Variants in GRID2 observed in about 807,000 individuals in gnomAD.
GRID2 encodes the protein glutamate ionotropic receptor delta type subunit 2.
In GRID2, 33 loss-of-function variants were observed where a neutral mutation model predicts 114.8. The ratio of observed to expected loss-of-function variants is 0.29; its 90% CI spans 0.22 to 0.38. The LOEUF (loss-of-function observed/expected upper bound fraction) is 0.38. Among genes scored for constraint, GRID2 ranks in the 10% least tolerant of loss-of-function variants. The probability of loss-of-function intolerance (pLI) is 1.00; values close to 1 mark genes in which losing one functional copy is unlikely to be tolerated. For synonymous variants in GRID2, 505 were observed against 449.9 expected, an observed-to-expected ratio of 1.12 and a Z score of -1.55; for missense variants, 1,184 against 1,257.7, an observed-to-expected ratio of 0.94 and a Z score of 0.89.
chr4:93,450,192 C>G (rs1038903228), intron 10 of GRID2, among the ~76,000 whole-genome samples: 1 of 151,722 alleles, frequency 6.6e-6, no homozygotes, highest in Non-Finnish European at 1.5e-5. Flanking sequence ...AAAATCATAT[C>G]TTTGGAAAAA....
chr4:92,569,631 A>G (rs995885746), intron 1 of GRID2, among the ~76,000 whole-genome samples: 1 of 152,058 alleles, frequency 6.6e-6, no homozygotes, highest in South Asian at 2.1e-4. Context: ...CCTTGCCAGC[A>G]TCTGTTGTTT....
chr4:92,766,655 A>T, intron 2 of GRID2, among the ~76,000 whole-genome samples: 1 of 152,320 alleles, frequency 6.6e-6, no homozygotes, highest in Middle Eastern at 3.4e-3. Context: ...GGTCATATAC[A>T]TAAAAGAATA....
chr4:92,390,001 G>T (rs1442783809), intron 1 of GRID2, among the ~76,000 whole-genome samples: 1 of 152,042 alleles, frequency 6.6e-6, no homozygotes, highest in African/African-American at 2.4e-5. Context: ...TTAAGAATTA[G>T]GTAGAGGTTA....
chr4:93,460,870 A>G (rs1723673576), intron 11 of GRID2, among the ~76,000 whole-genome samples: 1 of 152,146 alleles, frequency 6.6e-6, no homozygotes, highest in Non-Finnish European at 1.5e-5. Context: ...GTCCCCACTG[A>G]GTTGTTGTAA....
intron 8 of GRID2, among the ~76,000 whole-genome samples, chr4:93,389,080 T>C (rs1764600074): frequency 6.6e-6 from 1 of 152,192 alleles, no homozygotes; most frequent in South Asian, 2.1e-4. Context: ...TAAAAATTAC[T>C]TTACTGGTAC....
At chr4:92,452,369 G>A (rs886754208) in intron 1 of GRID2, among the ~76,000 whole-genome samples, 2 of 150,622 alleles carry the variant, frequency 1.3e-5, no homozygotes, top group African/African-American at 4.9e-5. Context: ...ACAGGCTGGA[G>A]TGCAGTGGCA....
At chr4:93,469,331 T>TA (rs1027234630) in intron 11 of GRID2, among the ~76,000 whole-genome samples, 5 of 152,110 alleles carry the variant, frequency 3.3e-5, no homozygotes, top group African/African-American at 9.6e-5. Flanking sequence ...ATATATATGG[T>TA]AAAAAATTCT....
intron 1 of GRID2, among the ~76,000 whole-genome samples, chr4:92,559,366 A>G (rs1434199034): frequency 6.6e-6 from 1 of 152,156 alleles, no homozygotes; most frequent in Non-Finnish European, 1.5e-5. Context: ...GCTCGGGACA[A>G]GAAGTGTTTC....
intron 1 of GRID2, among the ~76,000 whole-genome samples, chr4:92,401,525 AAATAT>A: frequency 6.6e-6 from 1 of 152,304 alleles, no homozygotes; most frequent in Admixed American, 6.5e-5. Flanking sequence ...TCAAAAAAGC[AAATAT>A]AATAATAAAG....
intron 2 of GRID2, among the ~76,000 whole-genome samples, chr4:92,754,404 G>C (rs1203633523): frequency 6.6e-6 from 1 of 152,058 alleles, no homozygotes; most frequent in African/African-American, 2.4e-5. Context: ...AGGTAATAGG[G>C]GCTTTCCAAG....
Position 93,713,441 on chromosome 4 carries a change from A to G in GRID2, c.2361-55769A>G, listed in dbSNP as rs184463749. Among the ~76,000 whole-genome samples the G allele has an allele frequency of 3.1e-3, 471 of 151,460 alleles. 6 individuals carry two copies. Among genetic ancestry groups the G allele is most frequent in the Admixed American group, 0.024 (372 of 15,230 alleles). ...TCTTAAATGTGGAATTTATTTATTTATTTATTTATTTATTTATGCATTCAA... is the reference window on the plus strand; with the variant it reads ...TCTTAAATGTGGAATTTATTTATTTGTTTATTTATTTATTTATGCATTCAA... On this transcript the variant is annotated intron_variant, in intron 14 of 15. Coordinates refer to ENST00000282020, the MANE Select transcript of GRID2 (RefSeq NM_001510.4).
chr4:93,604,909 T>C (rs1740057230), intron 13 of GRID2, among the ~76,000 whole-genome samples: 1 of 152,220 alleles, frequency 6.6e-6, no homozygotes. Flanking sequence ...AGTGTAGGCA[T>C]AACCTTTATA....
At chr4:93,276,892 A>C (rs923176940) in intron 8 of GRID2, among the ~76,000 whole-genome samples, 1 of 151,902 alleles carries the variant, frequency 6.6e-6, no homozygotes, top group African/African-American at 2.4e-5. Context: ...AGCTTATAAT[A>C]ATTTCTTTAA....
At chr4:93,295,345 C>T (rs1321901838) in intron 8 of GRID2, among the ~76,000 whole-genome samples, 1 of 152,136 alleles carries the variant, frequency 6.6e-6, no homozygotes, top group Non-Finnish European at 1.5e-5. Context: ...TGAAAAGAAA[C>T]AGCTGTTCAA....
At chr4:93,240,164 C>A (rs1312785508) in intron 8 of GRID2, among the ~76,000 whole-genome samples, 2 of 151,572 alleles carry the variant, frequency 1.3e-5, no homozygotes, top group African/African-American at 4.8e-5. Flanking sequence ...AGAAGTAGAA[C>A]TGCCTGCAAT....
chr4:92,715,632 G>C (rs966037672), intron 2 of GRID2, among the ~76,000 whole-genome samples: 6 of 152,160 alleles, frequency 3.9e-5, no homozygotes. Context: ...TACATCTCAC[G>C]TGGTGGCAGA....
At chr4:92,960,259 A>G (rs1449751350) in intron 2 of GRID2, among the ~76,000 whole-genome samples, 1 of 152,020 alleles carries the variant, frequency 6.6e-6, no homozygotes, top group Non-Finnish European at 1.5e-5. Flanking sequence ...AGTACCCAAT[A>G]GAGGTCAATT....
intron 2 of GRID2, among the ~76,000 whole-genome samples, chr4:92,933,974 A>G (rs1263762246): frequency 6.6e-6 from 1 of 151,752 alleles, no homozygotes; most frequent in Non-Finnish European, 1.5e-5. Context: ...TCCTGCAAAT[A>G]TAATACTTAA....
downstream of GRID2, among the ~76,000 whole-genome samples, chr4:93,777,764 A>T (rs1448395923): frequency 6.6e-6 from 1 of 152,238 alleles, no homozygotes; most frequent in Non-Finnish European, 1.5e-5. Context: ...AGAATGATAC[A>T]GTGTCAGAAC....
Sources: gnomAD v4.1 joint callset for allele counts (sites outside exome capture counted in the v4.1 genomes callset) on GRCh38, gnomAD v4.1.1 for gene constraint, MANE v1.5 for transcripts, NCBI Gene and HGNC (gene_info 2026-07-23, HGNC 2026-07-21) for gene names.